TFEB: variants seen among roughly 807,000 people sequenced by gnomAD.
TFEB encodes transcription factor EB, also known as T-cell transcription factor EB.
In TFEB, 12 loss-of-function variants were observed where a neutral mutation model predicts 48.0. That is an observed-to-expected ratio of 0.25 (90% CI 0.16 to 0.40). The LOEUF (loss-of-function observed/expected upper bound fraction) is 0.40, where lower values mean the gene tolerates loss of function less well. TFEB is among the 10% of genes least tolerant of loss of function. The pLI, the probability that TFEB is intolerant of heterozygous loss-of-function variation, is 1.00. For missense variants in TFEB, 509 were observed against 640.3 expected, an observed-to-expected ratio of 0.79 and a Z score of 2.21; for synonymous variants, 244 against 261.4, an observed-to-expected ratio of 0.93 and a Z score of 0.64.
intron 4 of TFEB, among the ~76,000 whole-genome samples, chr6:41,689,481 C>T (rs552908285): frequency 6.6e-6 from 1 of 152,342 alleles, no homozygotes; most frequent in Admixed American, 6.5e-5. Context: ...AGGCCCACTC[C>T]GTGTCCCCAG....
intron 1 of TFEB, among the ~76,000 whole-genome samples, chr6:41,718,070 G>A (rs1366730119): frequency 6.6e-6 from 1 of 152,156 alleles, no homozygotes; most frequent in Non-Finnish European, 1.5e-5. Context: ...TGGAGTACAA[G>A]GTGATGCTAT....
rs141527488 is a variant in TFEB at position 41,700,550 on chromosome 6, C to T, written c.-22-9315G>A. On this transcript the variant is annotated intron_variant, in intron 1 of 8. Transcript: ENST00000373033. ...CTCCAAAAGGGAGATCTGCACAATG[C>T]GCTTCAGTGGCAGCAGAGCAAGACC... 3.7e-3 allele frequency among the ~76,000 whole-genome samples: 559 copies of T among 152,200 alleles called. 3 individuals carry two copies. The highest frequency in any genetic ancestry group is 0.013 in the African/African-American group (535 of 41,522).
At chr6:41,717,146 G>A (rs138230564) in intron 1 of TFEB, among the ~76,000 whole-genome samples, 10 of 152,246 alleles carry the variant, frequency 6.6e-5, no homozygotes, top group African/African-American at 7.2e-5. Context: ...CTCGAAAATC[G>A]TGCTTCATTT....
chr6:41,684,067 C>T lies in TFEB; in HGVS notation c.*532G>A. 1 of 230,714 alleles carries T rather than the reference C, an allele frequency of 4.3e-6. No homozygotes were observed. The highest frequency in any genetic ancestry group is 8.6e-6 in the Non-Finnish European group (1 of 116,146). 14.3% of individuals were successfully genotyped at this position (230,714 alleles called of 1,614,324 possible). A position where few individuals can be genotyped will look rare whatever the true frequency, so the allele number is the denominator to read the frequency against. On this transcript the variant is annotated 3_prime_UTR_variant, in exon 9 of 9. Transcript: ENST00000373033. ...GTGACCCCTCCCGCTTCTGGCAGCC[C>T]CCGCGCTCACACCACCTGGTGGAGA...
chr6:41,711,336 G>A (rs1336356317), intron 1 of TFEB, among the ~76,000 whole-genome samples: 14 of 152,220 alleles, frequency 9.2e-5, no homozygotes, highest in Admixed American at 8.5e-4. Context: ...GAGGACACTC[G>A]GACATGGCCC....
chr6:41,733,083 C>T, intron 1 of TFEB: 1 of 983,498 alleles, frequency 1.0e-6, no homozygotes, highest in Non-Finnish European at 1.2e-6. Context: ...CAATTACAGT[C>T]ATAAACAGAG....
At chr6:41,692,348 C>T (rs1769360063) in intron 1 of TFEB, among the ~76,000 whole-genome samples, 1 of 152,130 alleles carries the variant, frequency 6.6e-6, no homozygotes, top group Non-Finnish European at 1.5e-5. Flanking sequence ...GTGAGCCAGG[C>T]AATGGGGATA....
chr6:41,700,699 T>C (rs1015989422), intron 1 of TFEB, among the ~76,000 whole-genome samples: 1 of 150,636 alleles, frequency 6.6e-6, no homozygotes, highest in Non-Finnish European at 1.5e-5. Context: ...CAGCAGGAGG[T>C]GGGGAGGAGG....
intron 1 of TFEB, among the ~76,000 whole-genome samples, chr6:41,704,165 C>G (rs886813317): frequency 6.6e-6 from 1 of 152,176 alleles, no homozygotes; most frequent in Admixed American, 6.5e-5. Context: ...CCAGGACTAC[C>G]CTTGCAGTTC....
At chr6:41,689,680 GC>G (rs1320351646) in intron 4 of TFEB, 50 bp downstream of exon 4, 9 of 1,440,464 alleles carry the variant, frequency 6.2e-6, no homozygotes, top group Admixed American at 3.4e-5. Context: ...CACAGTGGGT[GC>G]CCCCCTCCCT....
chr6:41,712,697 G>A (rs562885911), intron 1 of TFEB, among the ~76,000 whole-genome samples: 7 of 152,320 alleles, frequency 4.6e-5, no homozygotes, highest in East Asian at 3.9e-4. Context: ...TGATAGAGCC[G>A]GTGCCAGGCC....
At chr6:41,686,302 G>A in intron 7 of TFEB, 65 bp from the exon 8 acceptor site, 1 of 1,590,298 alleles carries the variant, frequency 6.3e-7, no homozygotes, top group Non-Finnish European at 8.6e-7. Context: ...CCTTGCTACT[G>A]CTCTGGTTGC....
In TFEB at chr6:41,723,508, C is replaced by A; in HGVS notation, c.-23+11842G>T. 7.8e-7 allele frequency: 1 copy of A among 1,289,038 alleles called. No individual in the cohort carries two copies. Among genetic ancestry groups the A allele is most frequent in the Non-Finnish European group, 1.0e-6 (1 of 988,650 alleles). The allele number at this position is 1,289,038 out of a possible 1,614,324, so 79.9% of individuals were successfully genotyped here. A position where few individuals can be genotyped will look rare whatever the true frequency, so the allele number is the denominator to read the frequency against. On this transcript the variant is annotated intron_variant, in intron 1 of 8. Coordinates refer to ENST00000373033, the MANE Select transcript of TFEB (RefSeq NM_001271944.2). This position sits in a 1 kb window ranked among gnomAD's most constrained non-coding sequence, Gnocchi z 6.0. ...AAGGAGGCCCCTGGAATGCTCAGCT[C>A]CTCCAGGGGCCGGAGCCCAGGGCCG...
At chr6:41,695,479 C>T (rs1769530009) in intron 1 of TFEB, among the ~76,000 whole-genome samples, 1 of 152,202 alleles carries the variant, frequency 6.6e-6, no homozygotes, top group South Asian at 2.1e-4. Flanking sequence ...TTCCCAACAA[C>T]CCAATGAGCT....
At chr6:41,732,713 C>T in intron 1 of TFEB, 1 of 985,794 alleles carries the variant, frequency 1.0e-6, no homozygotes, top group Non-Finnish European at 1.2e-6. Context: ...GTGTTTTCAT[C>T]TCCCTCCTCT....
intron 1 of TFEB, among the ~76,000 whole-genome samples, chr6:41,716,015 C>T (rs999053464): frequency 6.6e-6 from 1 of 152,206 alleles, no homozygotes; most frequent in Non-Finnish European, 1.5e-5. Flanking sequence ...CAACTCACCC[C>T]AACAGGATGT....
chr6:41,731,018 A>T (rs1771428772), intron 1 of TFEB, among the ~76,000 whole-genome samples: 1 of 152,204 alleles, frequency 6.6e-6, no homozygotes. Context: ...TTTGCAACCC[A>T]TAGGTCTTTA....
rs752664763 is a variant in TFEB, at chr6:41,691,024, G to A, written c.190C>T (p.Pro64Ser). Reference protein sequence around the residue: ...NTPVHFQSPPPVPGEVLKVQS... With the variant: ...NTPVHFQSPPSVPGEVLKVQS... ...ACCTTCAACACCTCCCCAGGCACAG[G>A]TGGTGGCGACTGGAAGTGGACGGGG... Residue 64 changes from proline to serine, a missense_variant, in exon 2 of 9, where the codon CCT (proline) becomes TCT (serine). Transcript: ENST00000373033. This position sits in a 1 kb window ranked among gnomAD's most constrained non-coding sequence, Gnocchi z 5.2. 9.5e-6 allele frequency: 15 copies of A among 1,576,262 alleles called. No individual in the cohort carries two copies. Among genetic ancestry groups the A allele is most frequent in the Non-Finnish European group, 1.3e-5 (15 of 1,159,330 alleles).
chr6:41,729,155 C>T (rs1771349132), intron 1 of TFEB, among the ~76,000 whole-genome samples: 2 of 152,048 alleles, frequency 1.3e-5, no homozygotes, highest in Admixed American at 1.3e-4. Context: ...CACCTCCTAC[C>T]AGGCTTCACC....
Sources: allele counts gnomAD v4.1 joint callset (sites outside exome capture counted in the v4.1 genomes callset), GRCh38; gene constraint gnomAD v4.1.1; non-coding constraint Gnocchi (gnomAD v3.1); transcripts MANE v1.5; gene names NCBI Gene and HGNC (gene_info 2026-07-23, HGNC 2026-07-21).